Variants in CACNA1A observed in about 807,000 individuals in gnomAD.
CACNA1A encodes calcium voltage-gated channel subunit alpha1 A, also known as voltage-dependent P/Q-type calcium channel subunit alpha-1A.
In CACNA1A, 57 loss-of-function variants were observed where a neutral mutation model predicts 262.4. The ratio of observed to expected loss-of-function variants is 0.22; its 90% CI spans 0.18 to 0.27. CACNA1A has a LOEUF of 0.27. Ranked by LOEUF, CACNA1A falls within the 10% of genes least tolerant of loss-of-function variation. The pLI is 1.00. For synonymous variants in CACNA1A, 1,431 were observed against 1,419.3 expected (o/e 1.01, Z -0.18); for missense variants, 2,526 against 3,562.8 (o/e 0.71, Z 7.41).
intron 3 of CACNA1A, among the ~76,000 whole-genome samples, chr19:13,424,581 T>C (rs1285482461): frequency 1.3e-5 from 2 of 151,902 alleles, no homozygotes; most frequent in African/African-American, 4.8e-5. Context: ...TCCTCCTGCC[T>C]CAGCCTCCTG....
In CACNA1A at chr19:13,319,274, T is replaced by C. The variant is rs141930262; in HGVS notation, c.1346-1953A>G. On this transcript the variant is annotated intron_variant, in intron 10 of 46. Coordinates refer to ENST00000360228, the MANE Select transcript of CACNA1A (RefSeq NM_001127222.2). The stretch of plus-strand genomic sequence containing the variant: ...ATTGATTGATTCATTCATTAGTACA[T>C]TCATTCATTCTTTCATCCATCCATT... 1.2e-3 allele frequency among the ~76,000 whole-genome samples: 189 copies of C among 152,356 alleles called. 1 individual carries two copies. The highest frequency in any genetic ancestry group is 4.5e-3 in the African/African-American group (186 of 41,582).
intron 31 of CACNA1A, 107 bp from the exon 32 acceptor site, chr19:13,235,837 A>G (rs983079966): frequency 2.5e-5 from 17 of 687,928 alleles, no homozygotes; most frequent in Middle Eastern, 2.5e-4. Context: ...GGAAAAAAGC[A>G]AGCCAGACCC....
chr19:13,303,112 C>T (rs1240376513), intron 17 of CACNA1A, among the ~76,000 whole-genome samples: 2 of 152,078 alleles, frequency 1.3e-5, no homozygotes, highest in East Asian at 3.9e-4. Flanking sequence ...TCCATCTGTG[C>T]CTTGCCATGG....
At position 13,241,439 on chromosome 19, in the gene CACNA1A, G is replaced by C. The variant is rs1485209633; in HGVS notation, c.4950+3743C>G. The C allele has an allele frequency of 2.2e-6, 2 of 902,204 alleles. No homozygotes were observed. The highest frequency in any genetic ancestry group is 3.3e-5 in the African/African-American group (2 of 61,018). 55.9% of individuals were successfully genotyped at this position (902,204 alleles called of 1,614,324 possible). A position where few individuals can be genotyped will look rare whatever the true frequency, so the allele number is the denominator to read the frequency against. On this transcript the variant is annotated intron_variant, in intron 31 of 46. Coordinates refer to ENST00000360228, the MANE Select transcript of CACNA1A (RefSeq NM_001127222.2). The surrounding 1 kb of genome is among the most constrained non-coding windows in gnomAD (Gnocchi z 4.0). ...AGGCATCCCACGTTGGAGAGGCAGG[G>C]TGTGGCATGCAATGCCGACGCGAGG...
chr19:13,295,787 A>G (rs1049363156), intron 19 of CACNA1A, among the ~76,000 whole-genome samples: 1 of 151,966 alleles, frequency 6.6e-6, no homozygotes, highest in African/African-American at 2.4e-5. Flanking sequence ...GAGCCACTGC[A>G]CCTGATCCTG....
intron 31 of CACNA1A, among the ~76,000 whole-genome samples, chr19:13,238,197 C>G (rs907461139): frequency 5.3e-5 from 8 of 152,164 alleles, no homozygotes; most frequent in Non-Finnish European, 1.2e-4. Context: ...GAACTTCTGA[C>G]AAGTTCCCTC....
rs1307190630 is a variant in CACNA1A at position 13,212,073 on chromosome 19, C to T, written c.6303+30G>A. ...CCTACCCAGTGCAGAGTGAGGGGTCCAGCCCCAGGGCAGTGGTGAAAGCCC... is the reference window on the plus strand; with the variant it reads ...CCTACCCAGTGCAGAGTGAGGGGTCTAGCCCCAGGGCAGTGGTGAAAGCCC... On this transcript the variant is annotated intron_variant, in intron 43 of 46. Transcript: ENST00000360228. The surrounding 1 kb of genome is among the most constrained non-coding windows in gnomAD (Gnocchi z 5.6). The T allele has an allele frequency of 3.3e-6, 5 of 1,515,866 alleles. No individual in the cohort carries two copies. The highest frequency in any genetic ancestry group is 4.6e-6 in the Non-Finnish European group (5 of 1,095,538). The allele number at this position is 1,515,866 out of a possible 1,614,324, so 93.9% of individuals were successfully genotyped here. A position where few individuals can be genotyped will look rare whatever the true frequency, so the allele number is the denominator to read the frequency against.
At position 13,275,939 on chromosome 19, in the gene CACNA1A, G is replaced by A; in HGVS notation, c.3900C>T (p.Leu1300=). 22 of 1,612,930 alleles carry A rather than the reference G, an allele frequency of 1.4e-5. No homozygotes were observed. The highest frequency in any genetic ancestry group is 2.2e-5 in the South Asian group (2 of 91,048). The change falls in exon 24 of 47, where the codon CTC becomes CTT. Residue 1300 remains leucine, a synonymous_variant. Transcript: ENST00000360228. The part of the protein sequence containing the change: ...EMVIKMIDLG[L]VLHQGAYFRD... ...GGAAGTAGGCACCCTGATGCAGGAC[G>A]AGCCCCAGGTCAATCATCTGTGGGG...
chr19:13,207,967 G>A lies in CACNA1A; in HGVS notation c.6867C>T (p.Thr2289=). ...PRRGRRQLPQ[T]PSTPRPHVSY... is the part of the protein sequence containing the mutation. ...ACACGTGTGGCCGGGGGGTGGAGGG[G>A]GTCTGGGGGAGCTGGCGGCGGCCCC... is the stretch of plus-strand genomic sequence containing the variant. Residue 2289 remains threonine (T), a synonymous_variant, in exon 47 of 47, where the codon ACC becomes ACT. Coordinates refer to ENST00000360228, the MANE Select transcript of CACNA1A (RefSeq NM_001127222.2). The surrounding 1 kb of genome is among the most constrained non-coding windows in gnomAD (Gnocchi z 5.7). The A allele has an allele frequency of 7.4e-7, 1 of 1,347,316 alleles. No homozygotes were observed. Among genetic ancestry groups the A allele is most frequent in the Non-Finnish European group, 9.5e-7 (1 of 1,053,602 alleles). The allele number at this position is 1,347,316 out of a possible 1,614,324, so 83.5% of individuals were successfully genotyped here.
chr19:13,330,800 A>T (rs1413512199), intron 9 of CACNA1A, among the ~76,000 whole-genome samples: 1 of 152,198 alleles, frequency 6.6e-6, no homozygotes, highest in East Asian at 1.9e-4. Context: ...CATGTTGGCC[A>T]GGCTGGTCAA....
Position 13,208,828 on chromosome 19 carries a change from G to T in CACNA1A, c.6708C>A (p.Gly2236=). 6.5e-7 allele frequency: 1 copy of T among 1,543,474 alleles called. No homozygotes were observed. Among genetic ancestry groups the T allele is most frequent in the Non-Finnish European group, 8.7e-7 (1 of 1,151,698 alleles). The change falls in exon 46 of 47, where the codon GGC becomes GGA. Residue 2236 remains glycine, a synonymous_variant. Transcript: ENST00000360228. The stretch of plus-strand genomic sequence containing the variant: ...AGCGCTGGTCCCGAGCCCGTGCCCG[G>T]CCGTGGTCCGGCCGTTCCTGGGCAT... ...DRYAQERPDH[G]RARARDQRWS... is the part of the protein sequence containing the mutation.
rs368045818 is a variant in CACNA1A at position 13,464,612 on chromosome 19, T to G, written c.294-9400A>C. Among the ~76,000 whole-genome samples the G allele has an allele frequency of 1.6e-4, 24 of 150,538 alleles. No individual in the cohort carries two copies. In the East Asian group the frequency reaches 3.2e-3, roughly 20 times the overall value. Reference sequence around the variant, plus strand: ...CGCCCAGGCCAGACTGCAGTGGTGCTATCTCGGCTCACTGCAAGCTCCGCC... The same window carrying G: ...CGCCCAGGCCAGACTGCAGTGGTGCGATCTCGGCTCACTGCAAGCTCCGCC... On this transcript the variant is annotated intron_variant, in intron 1 of 46. Transcript: ENST00000360228.
At chr19:13,264,145 C>T (rs930516456) in intron 24 of CACNA1A, among the ~76,000 whole-genome samples, 2 of 152,124 alleles carry the variant, frequency 1.3e-5, no homozygotes, top group Non-Finnish European at 2.9e-5. Context: ...CCATGACACC[C>T]TTGGCCAACC....
intron 15 of CACNA1A, among the ~76,000 whole-genome samples, chr19:13,306,353 G>C (rs1392581554): frequency 6.6e-6 from 1 of 152,124 alleles, no homozygotes; most frequent in East Asian, 1.9e-4. Flanking sequence ...CTTCAGATTT[G>C]ATGGGTGTAT....
chr19:13,283,734 A>C (rs1007956834), intron 21 of CACNA1A: 1 of 200,656 alleles, frequency 5.0e-6, no homozygotes, highest in African/African-American at 2.3e-5. Context: ...TTCGATATTA[A>C]ATGTCCCAGG....
chr19:13,243,515 A>G lies in CACNA1A; in HGVS notation c.4950+1667T>C, dbSNP rs543631679. ...CCAGGCCTGGCTTTGTGACCTTGGG[A>G]GTGTCTCTCACTTCCCCAGGCATTG... On this transcript the variant is annotated intron_variant, in intron 31 of 46. Coordinates refer to ENST00000360228, the MANE Select transcript of CACNA1A (RefSeq NM_001127222.2). Among the ~76,000 whole-genome samples the G allele has an allele frequency of 4.4e-4, 67 of 151,456 alleles. 1 individual carries two copies. Among genetic ancestry groups the G allele is most frequent in the African/African-American group, 1.5e-3 (63 of 41,314 alleles).
chr19:13,288,362 C>T (rs2057455482), intron 19 of CACNA1A, among the ~76,000 whole-genome samples: 1 of 151,998 alleles, frequency 6.6e-6, no homozygotes, highest in African/African-American at 2.4e-5. Flanking sequence ...GCCTCAGCCT[C>T]CCGAATAGCT....
chr19:13,463,908 C>T (rs1329122662), intron 1 of CACNA1A, among the ~76,000 whole-genome samples: 1 of 152,096 alleles, frequency 6.6e-6, no homozygotes, highest in Non-Finnish European at 1.5e-5. Context: ...TTGGGCAAGG[C>T]AGTTTCCTTC....
chr19:13,271,893 A>G (rs186076010), intron 24 of CACNA1A: 1 of 151,986 alleles, frequency 6.6e-6, no homozygotes, highest in Non-Finnish European at 1.5e-5. Flanking sequence ...CCTCCCGAGT[A>G]GCTGAGATTA....
Sources: allele counts gnomAD v4.1 joint callset (sites outside exome capture counted in the v4.1 genomes callset), GRCh38; gene constraint gnomAD v4.1.1; non-coding constraint Gnocchi (gnomAD v3.1); transcripts MANE v1.5; gene names NCBI Gene and HGNC (gene_info 2026-07-23, HGNC 2026-07-21).